The following DNAJC5 variants were observed in gnomAD, a reference collection of about 807,000 sequenced individuals.
DNAJC5 encodes the protein DnaJ heat shock protein family (Hsp40) member C5, also known as dnaJ homolog subfamily C member 5.
Under a neutral mutation model 23.2 loss-of-function variants are expected in DNAJC5, and 1 was observed. That is an observed-to-expected ratio of 0.04 (90% CI 0.02 to 0.20). The LOEUF (loss-of-function observed/expected upper bound fraction) is 0.20, where lower values mean the gene tolerates loss of function less well. Among genes scored for constraint, DNAJC5 ranks in the 10% least tolerant of loss-of-function variants. The pLI is 1.00. For missense variants in DNAJC5, 180 were observed against 267.0 expected (o/e 0.67, Z 2.27); for synonymous variants, 136 against 120.0 (o/e 1.13, Z -0.87).
intron 1 of DNAJC5, among the ~76,000 whole-genome samples, chr20:63,917,486 C>T (rs1238502777): frequency 6.6e-6 from 1 of 152,122 alleles, no homozygotes; most frequent in Non-Finnish European, 1.5e-5. Context: ...CTCCTGAGCT[C>T]AAGTGACATG....
chr20:63,909,396 G>T (rs575950309), intron 1 of DNAJC5, among the ~76,000 whole-genome samples: 5 of 152,104 alleles, frequency 3.3e-5, no homozygotes, highest in Non-Finnish European at 4.4e-5. Flanking sequence ...CCAGCTACTC[G>T]GGAGGCTGAG....
chr20:63,897,095 T>A (rs1424136311), intron 1 of DNAJC5, among the ~76,000 whole-genome samples: 4 of 152,140 alleles, frequency 2.6e-5, no homozygotes, highest in Non-Finnish European at 4.4e-5. Context: ...TTAAAACGTT[T>A]CTAAAAAGTC....
chr20:63,929,641 T>TCCTGCCATGCGGGCACCCGAGTCA lies in DNAJC5; in HGVS notation c.321+117_321+118insCTGCCATGCGGGCACCCGAGTCAC, dbSNP rs2053647395. 2 of 843,458 alleles carry TCCTGCCATGCGGGCACCCGAGTCA rather than the reference T, an allele frequency of 2.4e-6. 1 individual carries two copies. Among genetic ancestry groups the TCCTGCCATGCGGGCACCCGAGTCA allele is most frequent in the Non-Finnish European group, 3.6e-6 (2 of 559,950 alleles). 52.2% of individuals were successfully genotyped at this position (843,458 alleles called of 1,614,324 possible). On this transcript the variant is annotated intron_variant, in intron 3 of 4. Transcript: ENST00000360864. The surrounding 1 kb of genome is among the most constrained non-coding windows in gnomAD (Gnocchi z 8.6). ...CTCCTGCCGTGCGGGCACCCGAGTC[T>TCCTGCCATGCGGGCACCCGAGTCA]CTCCTGCCGTGCGGGCACCCGAGTC...
chr20:63,916,548 G>C (rs2053516645), intron 1 of DNAJC5, among the ~76,000 whole-genome samples: 1 of 152,188 alleles, frequency 6.6e-6, no homozygotes, highest in South Asian at 2.1e-4. Context: ...TGGAACTCCT[G>C]ATAAGGGTCT....
intron 1 of DNAJC5, among the ~76,000 whole-genome samples, chr20:63,901,115 C>T (rs1047905858): frequency 5.3e-5 from 8 of 152,208 alleles, no homozygotes; most frequent in Non-Finnish European, 1.2e-4. Context: ...CAGGCGTGTG[C>T]CACCACGCCC....
At chr20:63,921,698 C>T (rs932566996) in intron 1 of DNAJC5, among the ~76,000 whole-genome samples, 6 of 152,136 alleles carry the variant, frequency 3.9e-5, no homozygotes, top group Non-Finnish European at 8.8e-5. Context: ...GGTTGCAGCA[C>T]GTGCTGCTCG....
intron 1 of DNAJC5, among the ~76,000 whole-genome samples, chr20:63,895,975 ACT>A (rs965637315): frequency 8.6e-5 from 13 of 151,670 alleles, no homozygotes; most frequent in Non-Finnish European, 1.5e-4. Flanking sequence ...TGGATTAAAG[ACT>A]CTCTTTTTCG....
At chr20:63,917,031 A>G (rs1265706131) in intron 1 of DNAJC5, among the ~76,000 whole-genome samples, 1 of 152,216 alleles carries the variant, frequency 6.6e-6, no homozygotes, top group Non-Finnish European at 1.5e-5. Flanking sequence ...AGTTAACACA[A>G]TTATAGTGGC....
chr20:63,912,303 C>CAAA (rs1053866580), intron 1 of DNAJC5, among the ~76,000 whole-genome samples: 1 of 92,380 alleles, frequency 1.1e-5, no homozygotes, highest in African/African-American at 4.0e-5. Flanking sequence ...AATCGGTCTC[C>CAAA]AAAAAAAAAA....
chr20:63,899,199 G>A (rs1449825177), intron 1 of DNAJC5, among the ~76,000 whole-genome samples: 1 of 152,174 alleles, frequency 6.6e-6, no homozygotes, highest in Non-Finnish European at 1.5e-5. Context: ...GGGACAAAGA[G>A]GCTGAAAAAC....
chr20:63,926,181 C>T (rs2053615005), intron 1 of DNAJC5, among the ~76,000 whole-genome samples: 1 of 152,162 alleles, frequency 6.6e-6, no homozygotes, highest in African/African-American at 2.4e-5. Context: ...CAGGCCTATT[C>T]AGATTTTCTA....
chr20:63,912,904 C>T (rs763121562), intron 1 of DNAJC5, among the ~76,000 whole-genome samples: 11 of 152,144 alleles, frequency 7.2e-5, no homozygotes, highest in Non-Finnish European at 1.5e-4. Context: ...CCGTGCCCGG[C>T]CGGCAGTCAG....
chr20:63,906,650 T>C (rs1212087009), intron 1 of DNAJC5, among the ~76,000 whole-genome samples: 1 of 150,340 alleles, frequency 6.7e-6, no homozygotes, highest in Non-Finnish European at 1.5e-5. Flanking sequence ...GGTGTGATGG[T>C]GGGCGCCTGT....
Position 63,932,249 on chromosome 20 carries a change from C to A in DNAJC5, c.*681C>A. On this transcript the variant is annotated 3_prime_UTR_variant, in exon 5 of 5. Transcript: ENST00000360864. The surrounding 1 kb of genome is among the most constrained non-coding windows in gnomAD (Gnocchi z 4.4). ...TTTGGTGTGGAAAGCATAGGAGGCCCCTTCCGAGGTTGACACCGTGTCCTC... is the reference window on the plus strand; with the variant it reads ...TTTGGTGTGGAAAGCATAGGAGGCCACTTCCGAGGTTGACACCGTGTCCTC... 1 of 154,488 alleles carries A rather than the reference C, an allele frequency of 6.5e-6. No homozygotes were observed. The highest frequency in any genetic ancestry group is 1.9e-4 in the East Asian group (1 of 5,290). The allele number at this position is 154,488 out of a possible 1,614,324, so 9.6% of individuals were successfully genotyped here. A position where few individuals can be genotyped will look rare whatever the true frequency, so the allele number is the denominator to read the frequency against.
At chr20:63,917,033 T>C (rs1055206987) in intron 1 of DNAJC5, among the ~76,000 whole-genome samples, 1 of 152,210 alleles carries the variant, frequency 6.6e-6, no homozygotes, top group Non-Finnish European at 1.5e-5. Flanking sequence ...TTAACACAAT[T>C]ATAGTGGCCC....
At chr20:63,924,334 TTAG>T (rs1347274681) in intron 1 of DNAJC5, among the ~76,000 whole-genome samples, 6 of 152,188 alleles carry the variant, frequency 3.9e-5, no homozygotes, top group Admixed American at 6.5e-5. Flanking sequence ...TTTCTTATCT[TTAG>T]TATCTTAGCA....
intron 1 of DNAJC5, among the ~76,000 whole-genome samples, chr20:63,898,888 C>T (rs1287085053): frequency 2.6e-5 from 4 of 152,116 alleles, no homozygotes; most frequent in Non-Finnish European, 4.4e-5. Context: ...TGAGACTCAT[C>T]GTGATGTTCT....
chr20:63,904,226 T>C (rs1352985443), intron 1 of DNAJC5, among the ~76,000 whole-genome samples: 1 of 152,176 alleles, frequency 6.6e-6, no homozygotes, highest in African/African-American at 2.4e-5. Flanking sequence ...GGTATAATAT[T>C]GAAGAATAAG....
intron 1 of DNAJC5, among the ~76,000 whole-genome samples, chr20:63,901,012 T>G (rs1568974136): frequency 6.6e-6 from 1 of 152,242 alleles, no homozygotes; most frequent in Non-Finnish European, 1.5e-5. Context: ...TCATCCAGGC[T>G]GGAGTGCAGT....
Sources: allele counts gnomAD v4.1 joint callset (sites outside exome capture counted in the v4.1 genomes callset), GRCh38; gene constraint gnomAD v4.1.1; non-coding constraint Gnocchi (gnomAD v3.1); transcripts MANE v1.5; gene names NCBI Gene and HGNC (gene_info 2026-07-23, HGNC 2026-07-21).